Variants in SP140 observed in about 807,000 individuals in gnomAD.
The protein encoded by SP140 is SP140 nuclear body protein.
In SP140, 81 loss-of-function variants were observed where a neutral mutation model predicts 125.0. The observed-to-expected ratio is 0.65, with a 90% CI of 0.54 to 0.78. SP140 has a LOEUF of 0.78. SP140 is among the 30% of genes least tolerant of loss of function. The pLI is 0.00. For synonymous variants in SP140, 312 were observed against 354.0 expected (o/e 0.88, Z 1.33); for missense variants, 858 against 1,037.0 (o/e 0.83, Z 2.37).
chr2:230,196,784 C>T, the SP140 span, among the ~76,000 whole-genome samples: 1 of 150,856 alleles, frequency 6.6e-6, no homozygotes. Flanking sequence ...TGAGTGAGAA[C>T]ATGCAGTGTT....
At chr2:230,262,083 AC>A (rs1241529569) in intron 12 of SP140, among the ~76,000 whole-genome samples, 1 of 151,968 alleles carries the variant, frequency 6.6e-6, no homozygotes, top group African/African-American at 2.4e-5. Context: ...CTGATCCTGA[AC>A]TTTTTTTTGT....
chr2:230,288,068 T>C, intron 18 of SP140, 102 bp downstream of exon 18: 2 of 1,033,454 alleles, frequency 1.9e-6, no homozygotes, highest in Non-Finnish European at 1.4e-6. Flanking sequence ...AATTGTTTTA[T>C]GAAGCTGTAC....
At chr2:230,267,715 A>G (rs570286605) in intron 12 of SP140, among the ~76,000 whole-genome samples, 1 of 152,326 alleles carries the variant, frequency 6.6e-6, no homozygotes, top group South Asian at 2.1e-4. Flanking sequence ...ACAAACAGCA[A>G]AGAGGCCACT....
intron 15 of SP140, among the ~76,000 whole-genome samples, chr2:230,272,603 G>A (rs1575140629): frequency 6.6e-6 from 1 of 152,090 alleles, no homozygotes; most frequent in South Asian, 2.1e-4. Context: ...TGATTGTGAG[G>A]CTTCCCCAGC....
At chr2:230,186,234 A>G in the SP140 span, 23 of 1,231,160 alleles carry the variant, frequency 1.9e-5, no homozygotes, top group Non-Finnish European at 2.3e-5. Flanking sequence ...CCATTTCTCT[A>G]TAATTCTCTC....
At chr2:230,220,552 G>T (rs1347010327) in intron 3 of SP140, among the ~76,000 whole-genome samples, 1 of 152,170 alleles carries the variant, frequency 6.6e-6, no homozygotes, top group East Asian at 1.9e-4. Context: ...CAGAAAAATG[G>T]CTGAGAGCTG....
rs752725039 is a variant in SP140, at chr2:230,297,402, C to A, written c.2017-19C>A. 2.5e-6 allele frequency: 4 copies of A among 1,611,988 alleles called. No individual in the cohort carries two copies. Among genetic ancestry groups the A allele is most frequent in the Non-Finnish European group, 3.4e-6 (4 of 1,178,312 alleles). On this transcript the variant is annotated intron_variant, in intron 21 of 26. Transcript: ENST00000392045. ...AATGCATTCAATATCATAAATCAATCTTTCTGTTTTTTCAACAGAGAATAC... is the reference window on the plus strand; with the variant it reads ...AATGCATTCAATATCATAAATCAATATTTCTGTTTTTTCAACAGAGAATAC...
At chr2:230,275,779 C>T (rs1358822657) in intron 15 of SP140, among the ~76,000 whole-genome samples, 2 of 152,128 alleles carry the variant, frequency 1.3e-5, no homozygotes, top group Non-Finnish European at 1.5e-5. Context: ...AGCAAACAAT[C>T]AGCCAAGTTA....
At position 230,269,622 on chromosome 2, in the gene SP140, A is replaced by G. The variant is rs1185457825; in HGVS notation, c.1327+4A>G. 6.7e-7 allele frequency: 1 copy of G among 1,489,398 alleles called. No individual in the cohort carries two copies. The highest frequency in any genetic ancestry group is 9.1e-7 in the Non-Finnish European group (1 of 1,093,986). 92.3% of individuals were successfully genotyped at this position (1,489,398 alleles called of 1,614,324 possible). ...CTGCTATATGATAATGTACCAGGTA[A>G]TTATGACTTAAAAATAGTGAAAACA... On this transcript the variant is annotated splice_donor_region_variant and intron_variant, in intron 13 of 26. Coordinates refer to ENST00000392045, the MANE Select transcript of SP140 (RefSeq NM_007237.5).
At chr2:230,292,589 A>G (rs2057255045) in intron 19 of SP140, 57 bp from the exon 20 acceptor site, 1 of 1,610,150 alleles carries the variant, frequency 6.2e-7, no homozygotes, top group South Asian at 1.1e-5. Flanking sequence ...GTGAGTGGCC[A>G]TAGTCTGTGC....
chr2:230,193,450 T>C, the SP140 span, among the ~76,000 whole-genome samples: 2 of 152,250 alleles, frequency 1.3e-5, no homozygotes, highest in African/African-American at 4.8e-5. Flanking sequence ...TTTATAGACC[T>C]TGTGAGTTTT....
intron 21 of SP140, 96 bp from the exon 22 acceptor site, chr2:230,297,325 T>G (rs556143664): frequency 1.2e-5 from 17 of 1,416,640 alleles, no homozygotes; most frequent in Admixed American, 1.2e-4. Context: ...AACTGGTTCC[T>G]GAATCCCTTC....
At chr2:230,313,505 ACT>A (rs1450451970), downstream of SP140, among the ~76,000 whole-genome samples, 2 of 152,104 alleles carry the variant, frequency 1.3e-5, no homozygotes, top group Admixed American at 6.5e-5. Context: ...GTGTGCGGCT[ACT>A]CTGTGTTCCC....
Position 230,237,834 on chromosome 2 carries a change from G to T in SP140, c.238-379G>T, listed in dbSNP as rs74437560. On this transcript the variant is annotated intron_variant, in intron 2 of 26. Transcript: ENST00000392045. The surrounding 1 kb of genome is among the most constrained non-coding windows in gnomAD (Gnocchi z 5.4). ...GTGCCCTTTGGCCAGGAGTCATAGTGGGGGCTGGTTGATTGGTTTCCTGGA... is the reference window on the plus strand; with the variant it reads ...GTGCCCTTTGGCCAGGAGTCATAGTTGGGGCTGGTTGATTGGTTTCCTGGA... 3.1e-3 allele frequency among the ~76,000 whole-genome samples: 70 copies of T among 22,262 alleles called. 1 individual carries two copies. Among genetic ancestry groups the T allele is most frequent in the South Asian group, 0.013 (9 of 682 alleles). The allele number at this position is 22,262 out of a possible 152,430, so 14.6% of individuals were successfully genotyped here.
chr2:230,208,033 A>T, intron 1 of SP140: 2 of 1,565,430 alleles, frequency 1.3e-6, no homozygotes, highest in Non-Finnish European at 1.8e-6. Flanking sequence ...TTTGGAGTTG[A>T]CCAGATACAT....
chr2:230,188,566 G>C, the SP140 span, among the ~76,000 whole-genome samples: 5 of 152,110 alleles, frequency 3.3e-5, no homozygotes, highest in Admixed American at 3.3e-4. Flanking sequence ...TCTTATTCCA[G>C]TTCTCCAGGG....
chr2:230,278,318 A>G (rs2055022559), intron 15 of SP140, among the ~76,000 whole-genome samples: 2 of 152,162 alleles, frequency 1.3e-5, no homozygotes. Flanking sequence ...GCCCATTTTT[A>G]AATCAGATTA....
At chr2:230,316,037 T>C (rs2059481589), downstream of SP140, among the ~76,000 whole-genome samples, 1 of 152,206 alleles carries the variant, frequency 6.6e-6, no homozygotes, top group Non-Finnish European at 1.5e-5. Context: ...GACAACAGTA[T>C]ATCCTTACGG....
intron 3 of SP140, among the ~76,000 whole-genome samples, chr2:230,220,511 G>A (rs74566794): frequency 0.01 from 1,582 of 152,322 alleles, 72 homozygotes; most frequent in Admixed American, 0.071. Flanking sequence ...CACATGAACT[G>A]GAATTGTGCA....
Sources: allele counts gnomAD v4.1 joint callset (sites outside exome capture counted in the v4.1 genomes callset), GRCh38; gene constraint gnomAD v4.1.1; non-coding constraint Gnocchi (gnomAD v3.1); transcripts MANE v1.5; gene names NCBI Gene and HGNC (gene_info 2026-07-23, HGNC 2026-07-21).